ILRUN: variants seen among roughly 807,000 people sequenced by gnomAD.
The protein encoded by ILRUN is inflammation and lipid regulator with UBA-like and NBR1-like domains.
In ILRUN, 3 loss-of-function variants were observed where a neutral mutation model predicts 33.8. The ratio of observed to expected loss-of-function variants is 0.09; its 90% CI spans 0.04 to 0.23. The LOEUF (loss-of-function observed/expected upper bound fraction) is 0.23, where lower values mean the gene tolerates loss of function less well. ILRUN is among the 10% of genes least tolerant of loss of function. The probability of loss-of-function intolerance (pLI) is 1.00; values close to 1 mark genes in which losing one functional copy is unlikely to be tolerated. For missense variants in ILRUN, 210 were observed against 375.1 expected, an observed-to-expected ratio of 0.56 and a Z score of 3.64; for synonymous variants, 124 against 138.9, an observed-to-expected ratio of 0.89 and a Z score of 0.75.
At chr6:34,630,257 CTGT>C (rs1721947804) in intron 3 of ILRUN, among the ~76,000 whole-genome samples, 2 of 152,138 alleles carry the variant, frequency 1.3e-5, no homozygotes, top group African/African-American at 4.8e-5. Context: ...AACTTAAGAA[CTGT>C]TTATTTCTGG....
chr6:34,662,737 A>C (rs967825369), intron 1 of ILRUN, among the ~76,000 whole-genome samples: 1 of 152,166 alleles, frequency 6.6e-6, no homozygotes, highest in African/African-American at 2.4e-5. Flanking sequence ...TTGTTTGCAA[A>C]ATGACGTGAA....
intron 3 of ILRUN, among the ~76,000 whole-genome samples, chr6:34,623,382 T>A (rs867036218): frequency 5.3e-5 from 8 of 152,174 alleles, no homozygotes; most frequent in African/African-American, 1.9e-4. Flanking sequence ...ATTGATGACA[T>A]CTTGCAACAA....
rs202130755 is a variant in ILRUN at position 34,651,749 on chromosome 6, T to TTATATA, written c.313+2870_313+2875dup. 1.6e-4 allele frequency among the ~76,000 whole-genome samples: 22 copies of TTATATA among 139,754 alleles called. No homozygotes were observed. The East Asian group carries it at 4.5e-3, about 29-fold the overall frequency. The allele number at this position is 139,754 out of a possible 152,430, so 91.7% of individuals were successfully genotyped here. On this transcript the variant is annotated intron_variant, in intron 2 of 4. Transcript: ENST00000374023. ...CCTCATTTATTAAAAAAAAAAAAAA[T>TTATATA]TATATATATATATATATCTCACTGG... is the stretch of plus-strand genomic sequence containing the variant.
Position 34,696,649 on chromosome 6 carries a change from G to A in ILRUN, c.-46C>T. On this transcript the variant is annotated 5_prime_UTR_variant, in exon 1 of 5. Transcript: ENST00000374023. ...TTCCCCGCCTCTTCACAACCAAGCC[G>A]CCGCCGCGCCGCCGGGCCCGGGGAC... 1 of 1,566,182 alleles carries A rather than the reference G, an allele frequency of 6.4e-7. No homozygotes were observed.
chr6:34,684,700 T>C (rs749592812), intron 1 of ILRUN, among the ~76,000 whole-genome samples: 7 of 152,090 alleles, frequency 4.6e-5, no homozygotes, highest in South Asian at 2.1e-4. Context: ...AGAAAAACGA[T>C]AGGACTTCTT....
In ILRUN at chr6:34,654,665, C is replaced by T. The variant is rs1253281946; in HGVS notation, c.273G>A (p.Pro91=). The T allele has an allele frequency of 2.5e-6, 4 of 1,613,470 alleles. No homozygotes were observed. Among genetic ancestry groups the T allele is most frequent in the African/African-American group, 2.7e-5 (2 of 74,824 alleles). Residue 91 remains proline (P), a synonymous_variant, in exon 2 of 5, where the codon CCG becomes CCA. Transcript: ENST00000374023. ...GCCATGTTTTTACAAACTGAGTATC[C>T]GGAGGTATTGACTCCCCTTCTCCTA... ...VTIGEGESIP[P]DTQFVKTWRI... is the part of the protein sequence containing the mutation.
intron 1 of ILRUN, among the ~76,000 whole-genome samples, chr6:34,666,794 A>G (rs1763016240): frequency 1.3e-5 from 2 of 152,226 alleles, no homozygotes; most frequent in African/African-American, 4.8e-5. Context: ...TATATCCTGT[A>G]AAAGTCCTGT....
At chr6:34,603,656 AAC>A (rs1200497277) in intron 4 of ILRUN, among the ~76,000 whole-genome samples, 1 of 152,118 alleles carries the variant, frequency 6.6e-6, no homozygotes, top group Non-Finnish European at 1.5e-5. Context: ...CATACACACA[AAC>A]ACAAAACCCA....
intron 1 of ILRUN, among the ~76,000 whole-genome samples, chr6:34,667,643 CAT>C (rs1376986366): frequency 1.3e-5 from 2 of 152,286 alleles, no homozygotes; most frequent in African/African-American, 4.8e-5. Flanking sequence ...TCAATTTTAG[CAT>C]AGTCAGTAAT....
In ILRUN at chr6:34,646,862, T is replaced by C; in HGVS notation, c.314-64A>G. 6.8e-7 allele frequency: 1 copy of C among 1,469,992 alleles called. No homozygotes were observed. The highest frequency in any genetic ancestry group is 9.4e-7 in the Non-Finnish European group (1 of 1,059,490). The allele number at this position is 1,469,992 out of a possible 1,614,324, so 91.1% of individuals were successfully genotyped here. ...TGGTCCTATGCTGGGTGCAGTTTAT[T>C]ATGAAACTGTAGAAGAGGCCTCTTT... On this transcript the variant is annotated intron_variant, in intron 2 of 4. Coordinates refer to ENST00000374023, the MANE Select transcript of ILRUN (RefSeq NM_024294.4). This position sits in a 1 kb window ranked among gnomAD's most constrained non-coding sequence, Gnocchi z 4.9.
At chr6:34,613,725 G>C (rs1427584795) in intron 3 of ILRUN, among the ~76,000 whole-genome samples, 1 of 152,208 alleles carries the variant, frequency 6.6e-6, no homozygotes, top group Non-Finnish European at 1.5e-5. Flanking sequence ...AATAGATGAA[G>C]AAATACGGAA....
intron 3 of ILRUN, among the ~76,000 whole-genome samples, chr6:34,609,696 T>A (rs963697362): frequency 1.3e-5 from 2 of 152,122 alleles, no homozygotes; most frequent in African/African-American, 2.4e-5. Flanking sequence ...ACTGGTTGTA[T>A]CCAAACAGCT....
intron 1 of ILRUN, among the ~76,000 whole-genome samples, chr6:34,695,455 C>G (rs1214245335): frequency 6.6e-6 from 1 of 152,226 alleles, no homozygotes; most frequent in African/African-American, 2.4e-5. Context: ...TGCTTAACAA[C>G]GACAGCAAGT....
rs138471578 is a variant in ILRUN, at chr6:34,684,943, C to T, written c.158+11503G>A. On this transcript the variant is annotated intron_variant, in intron 1 of 4. Coordinates refer to ENST00000374023, the MANE Select transcript of ILRUN (RefSeq NM_024294.4). ...TTGCTGTTCTGTATCTGGGAAGCAA[C>T]AAGGCCCTGTTAGAGGTTTCTAAGA... 3.5e-3 allele frequency among the ~76,000 whole-genome samples: 531 copies of T among 152,290 alleles called. 1 individual carries two copies. Among genetic ancestry groups the T allele is most frequent in the South Asian group, 0.015 (71 of 4,824 alleles).
At chr6:34,632,139 G>GCATA (rs1314387789) in intron 3 of ILRUN, among the ~76,000 whole-genome samples, 5 of 152,158 alleles carry the variant, frequency 3.3e-5, no homozygotes, top group Non-Finnish European at 5.9e-5. Flanking sequence ...ATGTGGAAAT[G>GCATA]CATACATTAA....
chr6:34,680,187 T>TA (rs1763330268), intron 1 of ILRUN, among the ~76,000 whole-genome samples: 1 of 152,214 alleles, frequency 6.6e-6, no homozygotes. Flanking sequence ...TTTCCTTTTG[T>TA]AAAAAATGAG....
At chr6:34,672,054 T>C (rs1344010071) in intron 1 of ILRUN, 1 of 151,884 alleles carries the variant, frequency 6.6e-6, no homozygotes, top group African/African-American at 2.4e-5. Context: ...TGGGTGGGGC[T>C]GTTAAGCCCA....
intron 4 of ILRUN, among the ~76,000 whole-genome samples, chr6:34,593,245 ACT>A (rs1235378423): frequency 1.3e-5 from 2 of 152,054 alleles, no homozygotes; most frequent in African/African-American, 4.8e-5. Context: ...AAAAAAGAAA[ACT>A]CAAAAAACAA....
intron 1 of ILRUN, among the ~76,000 whole-genome samples, chr6:34,669,288 TA>T (rs1763067409): frequency 7.3e-6 from 1 of 136,874 alleles, no homozygotes; most frequent in Non-Finnish European, 1.6e-5. Flanking sequence ...CACACCCAGC[TA>T]TTTTTTTTTT....
Sources: allele counts gnomAD v4.1 joint callset (sites outside exome capture counted in the v4.1 genomes callset), GRCh38; gene constraint gnomAD v4.1.1; non-coding constraint Gnocchi (gnomAD v3.1); transcripts MANE v1.5; gene names NCBI Gene and HGNC (gene_info 2026-07-23, HGNC 2026-07-21).